Variants in BBX observed in about 807,000 individuals in gnomAD.
The protein encoded by BBX is BBX high mobility group box domain containing, also known as HMG box transcription factor BBX.
Under a neutral mutation model 100.2 loss-of-function variants are expected in BBX, and 30 were observed. The ratio of observed to expected loss-of-function variants is 0.30; its 90% CI spans 0.22 to 0.41. The LOEUF (loss-of-function observed/expected upper bound fraction) is 0.41. BBX is among the 10% of genes least tolerant of loss of function. The pLI is 1.00. For missense variants in BBX, 1,023 were observed against 1,129.8 expected, an observed-to-expected ratio of 0.91 and a Z score of 1.35; for synonymous variants, 376 against 388.1, an observed-to-expected ratio of 0.97 and a Z score of 0.37.
At chr3:107,764,531 C>T (rs1378344018) in intron 10 of BBX, among the ~76,000 whole-genome samples, 5 of 152,146 alleles carry the variant, frequency 3.3e-5, no homozygotes, top group African/African-American at 1.2e-4. Context: ...AGGGAATAGA[C>T]GATAGGTATC....
rs977398005 is a variant in BBX at position 107,755,477 on chromosome 3, C to T, written c.826-121C>T. The T allele has an allele frequency of 5.3e-6, 4 of 750,328 alleles. 1 individual carries two copies. Among genetic ancestry groups the T allele is most frequent in the Middle Eastern group, 7.1e-4 (2 of 2,820 alleles). The allele number at this position is 750,328 out of a possible 1,614,324, so 46.5% of individuals were successfully genotyped here. A position where few individuals can be genotyped will look rare whatever the true frequency, so the allele number is the denominator to read the frequency against. On this transcript the variant is annotated intron_variant, in intron 9 of 17. Coordinates refer to ENST00000325805, the MANE Select transcript of BBX (RefSeq NM_001142568.3). ...ATCCCAAATGTGACATGTTTTGTTA[C>T]TTGGTACATGGGAGCAATGATACTC...
At chr3:107,663,505 C>T (rs889781223) in intron 3 of BBX, among the ~76,000 whole-genome samples, 2 of 152,144 alleles carry the variant, frequency 1.3e-5, no homozygotes, top group Admixed American at 6.5e-5. Flanking sequence ...TCTTTACCCC[C>T]TCATCACAAT....
chr3:107,771,152 T>G (rs1020255009), intron 10 of BBX, among the ~76,000 whole-genome samples: 2 of 151,504 alleles, frequency 1.3e-5, no homozygotes, highest in African/African-American at 2.5e-5. Flanking sequence ...ATCAATCTCT[T>G]TATAAGTTCC....
At chr3:107,769,010 C>CGG (rs35063548) in intron 10 of BBX, among the ~76,000 whole-genome samples, 2 of 125,120 alleles carry the variant, frequency 1.6e-5, no homozygotes, top group African/African-American at 3.2e-5. Context: ...TGGGGGGCGG[C>CGG]GGGGGGGGGG....
intron 15 of BBX, among the ~76,000 whole-genome samples, chr3:107,795,123 A>G (rs1386040600): frequency 6.6e-6 from 1 of 152,154 alleles, no homozygotes; most frequent in Non-Finnish European, 1.5e-5. Flanking sequence ...TTACATTTCC[A>G]TTAGGTTGCG....
At chr3:107,530,004 A>G (rs1414179732) in intron 2 of BBX, among the ~76,000 whole-genome samples, 2 of 152,214 alleles carry the variant, frequency 1.3e-5, no homozygotes, top group Non-Finnish European at 2.9e-5. Flanking sequence ...ATATTACCAA[A>G]TGTACCAAAA....
chr3:107,713,978 T>C (rs1420713816), intron 4 of BBX, among the ~76,000 whole-genome samples: 5 of 128,728 alleles, frequency 3.9e-5, no homozygotes, highest in African/African-American at 1.2e-4. Context: ...TTTTTTTTTT[T>C]TTTTTTTTTT....
chr3:107,805,396 A>G lies in BBX; in HGVS notation c.2765A>G (p.His922Arg). Residue 922 changes from histidine to arginine, a missense_variant, in exon 18 of 18, where the codon CAT becomes CGT. Physicochemically the swap from His to Arg is conservative, Grantham distance 29 (BLOSUM62 0). Coordinates refer to ENST00000325805, the MANE Select transcript of BBX (RefSeq NM_001142568.3). ...HRGQRSTPLT[H>R]DGQPKEMPQA... is the part of the protein sequence containing the mutation. Reference sequence around the variant, plus strand: ...GGTCAGAGGTCAACTCCGCTCACCCATGATGGACAGCCAAAAGAAATGCCG... The same window carrying G: ...GGTCAGAGGTCAACTCCGCTCACCCGTGATGGACAGCCAAAAGAAATGCCG... The G allele has an allele frequency of 6.2e-7, 1 of 1,614,074 alleles. No homozygotes were observed. Among genetic ancestry groups the G allele is most frequent in the Non-Finnish European group, 8.5e-7 (1 of 1,179,954 alleles).
intron 2 of BBX, 59 bp downstream of exon 2, chr3:107,526,457 G>T (rs2047785586): frequency 2.5e-6 from 1 of 398,050 alleles, no homozygotes; most frequent in Admixed American, 4.4e-5. Flanking sequence ...TGACATAAGG[G>T]TCTTTATTGT....
intron 2 of BBX, among the ~76,000 whole-genome samples, chr3:107,610,712 C>A (rs548867381): frequency 6.6e-6 from 1 of 151,664 alleles, no homozygotes; most frequent in Non-Finnish European, 1.5e-5. Flanking sequence ...CTTTCCCCAC[C>A]CCCCTGGCTT....
At chr3:107,706,407 A>G (rs2061401803) in intron 3 of BBX, among the ~76,000 whole-genome samples, 1 of 152,106 alleles carries the variant, frequency 6.6e-6, no homozygotes, top group South Asian at 2.1e-4. Flanking sequence ...ATGAATGTCA[A>G]TTTAGGGTCA....
At chr3:107,540,606 C>T (rs2048799798) in intron 2 of BBX, among the ~76,000 whole-genome samples, 1 of 152,258 alleles carries the variant, frequency 6.6e-6, no homozygotes, top group East Asian at 1.9e-4. Context: ...GCAGTGTTGC[C>T]TGTATAGAGG....
At position 107,797,364 on chromosome 3, in the gene BBX, A is replaced by ATATATATATG. The variant is rs71113691; in HGVS notation, c.2354-1159_2354-1158insTATATATATG. Among the ~76,000 whole-genome samples the ATATATATATG allele has an allele frequency of 2.0e-3, 225 of 109,834 alleles. 21 individuals are homozygous for ATATATATATG. The highest frequency in any genetic ancestry group is 3.6e-3 in the Non-Finnish European group (194 of 53,182). 72.1% of individuals were successfully genotyped at this position (109,834 alleles called of 152,430 possible). The stretch of plus-strand genomic sequence containing the variant: ...TATATATATATATATATATATATAT[A>ATATATATATG]GCTTTATTGCCAATATCTACCTTCA... On this transcript the variant is annotated intron_variant, in intron 15 of 17. Transcript: ENST00000325805.
chr3:107,668,745 C>T (rs764161694), intron 3 of BBX, among the ~76,000 whole-genome samples: 2 of 152,246 alleles, frequency 1.3e-5, no homozygotes, highest in South Asian at 4.1e-4. Context: ...GATTTGAGTA[C>T]GTTTCCTTTT....
At position 107,614,240 on chromosome 3, in the gene BBX, G is replaced by A. The variant is rs553608595; in HGVS notation, c.-83-31596G>A. Among the ~76,000 whole-genome samples the A allele has an allele frequency of 1.1e-4, 17 of 152,066 alleles. No homozygotes were observed. The South Asian group carries it at 1.7e-3, about 15-fold the overall frequency. On this transcript the variant is annotated intron_variant, in intron 2 of 17. Transcript: ENST00000325805. ...GCTGGGATTATAGGCGTGAGCCACC[G>A]TGCCCTGCCCATGTGTTAATTTTTA...
intron 5 of BBX, among the ~76,000 whole-genome samples, chr3:107,719,468 A>T (rs1033853220): frequency 3.3e-5 from 5 of 151,920 alleles, no homozygotes; most frequent in Admixed American, 1.3e-4. Flanking sequence ...ATTTCCTCTG[A>T]CCCCTTTCCT....
chr3:107,682,571 A>G (rs1167198687), intron 3 of BBX, among the ~76,000 whole-genome samples: 2 of 152,166 alleles, frequency 1.3e-5, no homozygotes, highest in Non-Finnish European at 1.5e-5. Flanking sequence ...CTCTCCCACT[A>G]GATTCCATAA....
At chr3:107,726,690 G>C (rs187856178) in intron 5 of BBX, among the ~76,000 whole-genome samples, 232 of 152,014 alleles carry the variant, frequency 1.5e-3, no homozygotes, top group African/African-American at 5.0e-3. Flanking sequence ...TTTCCTGCCC[G>C]AGCCAGGGGA....
chr3:107,649,376 T>C (rs762595768), intron 3 of BBX, among the ~76,000 whole-genome samples: 4 of 152,252 alleles, frequency 2.6e-5, no homozygotes, highest in Non-Finnish European at 5.9e-5. Context: ...ATCCTAGTTT[T>C]GGCACTTTTT....
Sources: gnomAD v4.1 joint callset for allele counts (sites outside exome capture counted in the v4.1 genomes callset) on GRCh38, gnomAD v4.1.1 for gene constraint, MANE v1.5 for transcripts, NCBI Gene and HGNC (gene_info 2026-07-23, HGNC 2026-07-21) for gene names.